Variants in MINDY2 observed in about 807,000 individuals in gnomAD.
MINDY2 encodes ubiquitin carboxyl-terminal hydrolase MINDY-2.
Under a neutral mutation model 68.2 loss-of-function variants are expected in MINDY2, and 52 were observed. That is an observed-to-expected ratio of 0.76 (90% CI 0.61 to 0.96). The LOEUF is 0.96. Among genes scored for constraint, MINDY2 ranks in the 40% least tolerant of loss-of-function variants. MINDY2 has a pLI of 0.00. For missense variants in MINDY2, 881 were observed against 773.4 expected (o/e 1.14, Z -1.65); for synonymous variants, 372 against 303.0 (o/e 1.23, Z -2.36).
At chr15:58,836,792 A>T (rs971322271) in intron 6 of MINDY2, among the ~76,000 whole-genome samples, 21 of 149,028 alleles carry the variant, frequency 1.4e-4, no homozygotes, top group Non-Finnish European at 2.7e-4. Flanking sequence ...CCAATTTAAA[A>T]TTTTTTTTTT....
rs1310898207 is a variant in MINDY2, at chr15:58,788,375, A to AT, written c.898+413dup. Among the ~76,000 whole-genome samples, 4 of 152,242 alleles carry AT rather than the reference A, an allele frequency of 2.6e-5. No individual in the cohort carries two copies. The East Asian group carries it at 7.7e-4, about 29-fold the overall frequency. On this transcript the variant is annotated intron_variant, in intron 2 of 8. Transcript: ENST00000559228. ...TCATGGACCTATGCCAATCTACAAA[A>AT]TGTTAGTTATCAGGCTACAGTGAGG...
At chr15:58,776,620 G>A (rs1318698530) in intron 1 of MINDY2, among the ~76,000 whole-genome samples, 1 of 152,150 alleles carries the variant, frequency 6.6e-6, no homozygotes, top group African/African-American at 2.4e-5. Context: ...GAAAAGTCAG[G>A]ATAACATGGA....
intron 4 of MINDY2, among the ~76,000 whole-genome samples, chr15:58,811,991 T>G (rs1273299820): frequency 2.0e-5 from 3 of 152,238 alleles, no homozygotes; most frequent in African/African-American, 7.2e-5. Flanking sequence ...TATTAGTTAA[T>G]TGTAAACTTT....
chr15:58,787,075 C>A (rs1263618737), intron 1 of MINDY2, among the ~76,000 whole-genome samples: 1 of 151,924 alleles, frequency 6.6e-6, no homozygotes, highest in African/African-American at 2.4e-5. Flanking sequence ...CGTGATCCGC[C>A]TGCGTTGGCC....
intron 7 of MINDY2, among the ~76,000 whole-genome samples, chr15:58,850,923 C>A (rs1014144484): frequency 5.3e-5 from 8 of 151,990 alleles, no homozygotes; most frequent in Non-Finnish European, 8.8e-5. Context: ...TTTTAGCTTT[C>A]TTGGCTGCCT....
rs756779460 is a variant in MINDY2 at position 58,772,243 on chromosome 15, C to T, written c.840+8C>T. 1.2e-6 allele frequency: 2 copies of T among 1,608,036 alleles called. No individual in the cohort carries two copies. Among genetic ancestry groups the T allele is most frequent in the Non-Finnish European group, 1.7e-6 (2 of 1,179,882 alleles). On this transcript the variant is annotated splice_region_variant and intron_variant, in intron 1 of 8. Transcript: ENST00000559228. Reference sequence around the variant, plus strand: ...TTGCTCCTGGCCTGGAAGGTACATTCTGCAGCTTTCTACTTCCTACAGCTT... The same window carrying T: ...TTGCTCCTGGCCTGGAAGGTACATTTTGCAGCTTTCTACTTCCTACAGCTT...
At chr15:58,782,119 A>C (rs974014884) in intron 1 of MINDY2, among the ~76,000 whole-genome samples, 1 of 152,164 alleles carries the variant, frequency 6.6e-6, no homozygotes, top group Non-Finnish European at 1.5e-5. Context: ...AGAATCCTTA[A>C]GTTTTTGAGT....
chr15:58,802,405 T>C, intron 3 of MINDY2, 28 bp downstream of exon 3: 1 of 1,445,538 alleles, frequency 6.9e-7, no homozygotes, highest in South Asian at 1.3e-5. Context: ...TTAAAGTATA[T>C]AATTTTAAAG....
chr15:58,792,530 C>T (rs962374058), intron 2 of MINDY2, among the ~76,000 whole-genome samples: 8 of 152,084 alleles, frequency 5.3e-5, no homozygotes, highest in Admixed American at 2.6e-4. Flanking sequence ...CGCTTGAACC[C>T]GGGAGGCGGA....
chr15:58,777,492 G>A (rs1216975247), intron 1 of MINDY2, among the ~76,000 whole-genome samples: 1 of 152,110 alleles, frequency 6.6e-6, no homozygotes, highest in African/African-American at 2.4e-5. Flanking sequence ...TTAAGTAGTT[G>A]GCTAGGCAGT....
intron 4 of MINDY2, among the ~76,000 whole-genome samples, chr15:58,811,704 A>G (rs2030270046): frequency 6.6e-6 from 1 of 152,202 alleles, no homozygotes; most frequent in Admixed American, 6.5e-5. Context: ...GATTTCCTCT[A>G]GTAGCTCCCT....
intron 4 of MINDY2, among the ~76,000 whole-genome samples, chr15:58,819,579 C>CT (rs1421977123): frequency 2.6e-5 from 4 of 152,062 alleles, no homozygotes; most frequent in Non-Finnish European, 4.4e-5. Context: ...AACTCCCGGC[C>CT]TCAAGATACC....
At chr15:58,847,758 C>G (rs1278846067) in intron 7 of MINDY2, among the ~76,000 whole-genome samples, 3 of 152,164 alleles carry the variant, frequency 2.0e-5, no homozygotes, top group Non-Finnish European at 4.4e-5. Context: ...GTGATGGGAT[C>G]TTCTTTACCT....
intron 3 of MINDY2, among the ~76,000 whole-genome samples, chr15:58,807,424 C>G (rs1250577540): frequency 1.4e-5 from 2 of 146,320 alleles, no homozygotes; most frequent in African/African-American, 5.1e-5. Context: ...GGCGCGATCT[C>G]CACTCACTGC....
intron 6 of MINDY2, among the ~76,000 whole-genome samples, chr15:58,836,617 T>A (rs1282255518): frequency 3.9e-5 from 6 of 152,064 alleles, no homozygotes; most frequent in Non-Finnish European, 8.8e-5. Context: ...GTGCTTTTTT[T>A]ATTTTTTATT....
At chr15:58,847,533 T>C (rs1176230822) in intron 7 of MINDY2, 63 bp downstream of exon 7, 2 of 1,392,878 alleles carry the variant, frequency 1.4e-6, no homozygotes, top group Non-Finnish European at 1.9e-6. Flanking sequence ...TGTGAATTCA[T>C]GTATCCAAAA....
chr15:58,781,796 G>A (rs973904587), intron 1 of MINDY2, among the ~76,000 whole-genome samples: 3 of 152,024 alleles, frequency 2.0e-5, no homozygotes, highest in East Asian at 1.9e-4. Flanking sequence ...CCAGCTACTC[G>A]GGAGGCTGAG....
rs1902568477 is a variant in MINDY2 at position 58,800,493 on chromosome 15, T to C, written c.899-1820T>C. ...CTGTTCAAGTTTACTCATTCAACCA[T>C]GTTTGCCACTACTTTACAATATAAA... On this transcript the variant is annotated intron_variant, in intron 2 of 8. Transcript: ENST00000559228. Among the ~76,000 whole-genome samples the C allele has an allele frequency of 2.0e-5, 3 of 152,184 alleles. No homozygotes were observed. In the South Asian group the frequency reaches 6.2e-4, roughly 32 times the overall value.
chr15:58,794,925 C>T (rs1268262008), intron 2 of MINDY2, among the ~76,000 whole-genome samples: 1 of 151,916 alleles, frequency 6.6e-6, no homozygotes, highest in Non-Finnish European at 1.5e-5. Flanking sequence ...CAGTGGCTCA[C>T]GGCTGTAATC....
Sources: allele counts gnomAD v4.1 joint callset (sites outside exome capture counted in the v4.1 genomes callset), GRCh38; gene constraint gnomAD v4.1.1; transcripts MANE v1.5; gene names NCBI Gene and HGNC (gene_info 2026-07-23, HGNC 2026-07-21).